EYS: variants seen among roughly 807,000 people sequenced by gnomAD.
EYS encodes the protein EGF-like photoreceptor maintenance factor, also known as protein eyes shut homolog.
EYS carries 250 observed loss-of-function variants against 282.1 expected under a neutral mutation model. The ratio of observed to expected loss-of-function variants is 0.89; its 90% CI spans 0.80 to 0.98. EYS has a LOEUF of 0.98. Among genes scored for constraint, EYS ranks in the 50% least tolerant of loss-of-function variants. EYS has a pLI of 0.00. For synonymous variants in EYS, 1,355 were observed against 1,282.9 expected, an observed-to-expected ratio of 1.06 and a Z score of -1.20; for missense variants, 4,016 against 3,709.0, an observed-to-expected ratio of 1.08 and a Z score of -2.15.
chr6:64,661,849 G>GA (rs1192171397), intron 22 of EYS, among the ~76,000 whole-genome samples: 1 of 138,696 alleles, frequency 7.2e-6, no homozygotes, highest in Non-Finnish European at 1.5e-5. Flanking sequence ...TCTAGAACTA[G>GA]AAATACCATT....
intron 31 of EYS, among the ~76,000 whole-genome samples, chr6:64,198,258 C>T (rs540933440): frequency 1.3e-5 from 2 of 151,802 alleles, no homozygotes; most frequent in South Asian, 2.1e-4. Flanking sequence ...CCTCCTGCCT[C>T]GGCCTCCCAA....
chr6:64,015,362 A>T (rs1212409802), intron 33 of EYS, among the ~76,000 whole-genome samples: 1 of 152,180 alleles, frequency 6.6e-6, no homozygotes, highest in African/African-American at 2.4e-5. Flanking sequence ...TAGCAAACTA[A>T]ATATTGCAAG....
chr6:64,621,038 A>G (rs1023728184), intron 23 of EYS, among the ~76,000 whole-genome samples: 3 of 152,074 alleles, frequency 2.0e-5, no homozygotes, highest in African/African-American at 4.8e-5. Flanking sequence ...TTTAAAGACA[A>G]TCTTGCTCTG....
At chr6:65,382,394 A>G (rs9445535) in intron 8 of EYS, among the ~76,000 whole-genome samples, 72,782 of 146,636 alleles carry the variant, frequency 0.5, 17,893 homozygotes, top group South Asian at 0.55. Flanking sequence ...AAATTATCTT[A>G]GTGTTTCTGA....
At chr6:65,031,921 TAAAC>T (rs1245488078) in intron 13 of EYS, among the ~76,000 whole-genome samples, 1 of 151,660 alleles carries the variant, frequency 6.6e-6, no homozygotes, top group African/African-American at 2.4e-5. Flanking sequence ...ATACAAAAGA[TAAAC>T]AAAACCCAAA....
chr6:64,131,025 G>A (rs1425770859), intron 31 of EYS, among the ~76,000 whole-genome samples: 5 of 152,018 alleles, frequency 3.3e-5, no homozygotes, highest in Admixed American at 2.0e-4. Flanking sequence ...GTGCCACCAT[G>A]CCCGGCTAAT....
chr6:64,660,361 A>G (rs1462660083), intron 22 of EYS, among the ~76,000 whole-genome samples: 1 of 151,868 alleles, frequency 6.6e-6, no homozygotes, highest in African/African-American at 2.4e-5. Context: ...ACTCCTATTC[A>G]ACATAGTGTT....
At chr6:65,273,693 C>T (rs1435755776) in intron 12 of EYS, among the ~76,000 whole-genome samples, 1 of 152,178 alleles carries the variant, frequency 6.6e-6, no homozygotes, top group East Asian at 1.9e-4. Flanking sequence ...AGGTCACCAG[C>T]TATGCAAGGC....
intron 28 of EYS, among the ~76,000 whole-genome samples, chr6:64,415,262 T>C (rs1774024309): frequency 6.6e-6 from 1 of 152,196 alleles, no homozygotes. Context: ...TAACTATAGG[T>C]AAATTCATTT....
chr6:64,722,420 T>C (rs985018576), intron 22 of EYS, among the ~76,000 whole-genome samples: 3 of 151,640 alleles, frequency 2.0e-5, no homozygotes, highest in African/African-American at 7.3e-5. Context: ...TTAGCAGACT[T>C]GATAAAACGA....
intron 33 of EYS, among the ~76,000 whole-genome samples, chr6:64,020,718 C>A (rs1769147648): frequency 6.6e-6 from 1 of 151,930 alleles, no homozygotes; most frequent in Non-Finnish European, 1.5e-5. Flanking sequence ...AGAGTTTTAC[C>A]AACTGTATTT....
intron 1 of EYS, among the ~76,000 whole-genome samples, chr6:65,665,880 G>A (rs1432151526): frequency 6.6e-6 from 1 of 151,866 alleles, no homozygotes; most frequent in Admixed American, 6.6e-5. Flanking sequence ...ATAATAGTGT[G>A]GGTTATTTCT....
intron 12 of EYS, among the ~76,000 whole-genome samples, chr6:65,114,472 TTTA>T (rs1775310316): frequency 1.4e-5 from 2 of 145,360 alleles, no homozygotes; most frequent in African/African-American, 2.6e-5. Context: ...ATTTTTTTTT[TTTA>T]AATTTCTCCA....
intron 33 of EYS, among the ~76,000 whole-genome samples, chr6:64,031,701 A>T (rs1165503729): frequency 1.3e-5 from 2 of 152,280 alleles, no homozygotes; most frequent in African/African-American, 4.8e-5. Flanking sequence ...ACACTCTGTT[A>T]TCTAGCTACT....
chr6:65,519,908 G>A (rs1160091090), intron 2 of EYS, among the ~76,000 whole-genome samples: 1 of 144,064 alleles, frequency 6.9e-6, no homozygotes, highest in African/African-American at 2.6e-5. Flanking sequence ...TTTTTTTGTA[G>A]AGATGAGGTT....
rs149405055 is a variant in EYS at position 64,972,592 on chromosome 6, T to A, written c.2259+24990A>T. ...TCAATTCTCCTTAATGAATAGTAGA[T>A]ATATTTTCTCTTCCTTATGATTTTC... On this transcript the variant is annotated intron_variant, in intron 14 of 42. Transcript: ENST00000503581. Among the ~76,000 whole-genome samples, 159 of 152,224 alleles carry A rather than the reference T, an allele frequency of 1.0e-3. 1 individual carries two copies. Among genetic ancestry groups the A allele is most frequent in the African/African-American group, 3.7e-3 (155 of 41,556 alleles).
chr6:65,078,581 G>A (rs373203617), intron 12 of EYS, among the ~76,000 whole-genome samples: 1 of 152,074 alleles, frequency 6.6e-6, no homozygotes, highest in Non-Finnish European at 1.5e-5. Context: ...AATGTAGACT[G>A]GGTAAAAACT....
chr6:64,981,213 A>G (rs1388294621), intron 14 of EYS, among the ~76,000 whole-genome samples: 2 of 151,448 alleles, frequency 1.3e-5, no homozygotes, highest in Non-Finnish European at 3.0e-5. Flanking sequence ...AAGAACTGAC[A>G]TGAGAAAAAG....
chr6:63,839,951 T>C (rs1771908329), intron 36 of EYS, among the ~76,000 whole-genome samples: 1 of 152,132 alleles, frequency 6.6e-6, no homozygotes. Context: ...TTGCATTTCC[T>C]TGCTGATAAA....
Sources: gnomAD v4.1 joint callset for allele counts (sites outside exome capture counted in the v4.1 genomes callset) on GRCh38, gnomAD v4.1.1 for gene constraint, MANE v1.5 for transcripts, NCBI Gene and HGNC (gene_info 2026-07-23, HGNC 2026-07-21) for gene names.